Variants in NUP155 observed in about 807,000 individuals in gnomAD.
NUP155 encodes nuclear pore complex protein Nup155.
NUP155 carries 71 observed loss-of-function variants against 180.4 expected under a neutral mutation model. The ratio of observed to expected loss-of-function variants is 0.39; its 90% CI spans 0.33 to 0.48. The LOEUF (loss-of-function observed/expected upper bound fraction) is 0.48. Among genes scored for constraint, NUP155 ranks in the 20% least tolerant of loss-of-function variants. NUP155 has a pLI of 0.91. For synonymous variants in NUP155, 582 were observed against 559.5 expected (o/e 1.04, Z -0.57); for missense variants, 1,553 against 1,648.9 (o/e 0.94, Z 1.01).
rs777690394 is a variant in NUP155 at position 37,333,637 on chromosome 5, T to C, written c.1348-4A>G. 9.3e-6 allele frequency: 15 copies of C among 1,611,306 alleles called. No homozygotes were observed. The African/African-American group carries it at 1.3e-4, about 14-fold the overall frequency. ...GACCATCAACACCAGCTGTCATCTA[T>C]GTAAAAGAAATAAATGTTTTATACA... On this transcript the variant is annotated splice_polypyrimidine_tract_variant and splice_region_variant and intron_variant, in intron 12 of 34. Transcript: ENST00000231498.
intron 1 of NUP155, among the ~76,000 whole-genome samples, chr5:37,367,227 T>G (rs1386511747): frequency 2.0e-5 from 3 of 151,764 alleles, no homozygotes; most frequent in South Asian, 2.1e-4. Flanking sequence ...TTTTTGTTTT[T>G]GGGGTTTTTT....
At chr5:37,364,201 A>T in intron 2 of NUP155, 46 bp downstream of exon 2, 1 of 1,439,382 alleles carries the variant, frequency 6.9e-7, no homozygotes, top group Non-Finnish European at 9.7e-7. Flanking sequence ...AGAATGAAAA[A>T]TACCAATTTT....
chr5:37,335,157 C>CA (rs369127748), intron 12 of NUP155, among the ~76,000 whole-genome samples: 11,693 of 62,172 alleles, frequency 0.19, 1,020 homozygotes, highest in African/African-American at 0.33. Flanking sequence ...GACTCTGTCA[C>CA]AAAAAAAAAA....
In NUP155 at chr5:37,304,422, G is replaced by C. The variant is rs149395280; in HGVS notation, c.3162+317C>G. On this transcript the variant is annotated intron_variant, in intron 27 of 34. Transcript: ENST00000231498. ...TGAGGAACACTGAAACTTAGGGTAG[G>C]TAAAAGGACATATCTGAAGTCACAG... is the stretch of plus-strand genomic sequence containing the variant. 4.6e-5 allele frequency among the ~76,000 whole-genome samples: 7 copies of C among 152,174 alleles called. No individual in the cohort carries two copies. In the East Asian group the frequency reaches 1.3e-3, roughly 29 times the overall value.
At chr5:37,318,117 A>G in intron 20 of NUP155, 32 bp from the exon 21 acceptor site, 2 of 1,152,632 alleles carry the variant, frequency 1.7e-6, no homozygotes, top group Non-Finnish European at 2.6e-6. Context: ...GTGTGTGTTT[A>G]TAACAGCTTT....
intron 24 of NUP155, 104 bp from the exon 25 acceptor site, chr5:37,307,536 G>A (rs1743234539): frequency 1.9e-6 from 2 of 1,064,260 alleles, no homozygotes; most frequent in South Asian, 1.3e-5. Context: ...TGTCTCTACT[G>A]TACAATAGTC....
intron 20 of NUP155, among the ~76,000 whole-genome samples, chr5:37,321,091 G>A (rs1447897964): frequency 6.8e-6 from 1 of 147,358 alleles, no homozygotes; most frequent in Non-Finnish European, 1.5e-5. Flanking sequence ...GCTCACTCCT[G>A]TAATCCCAGA....
At chr5:37,314,735 G>A (rs1397267805) in intron 21 of NUP155, among the ~76,000 whole-genome samples, 1 of 152,212 alleles carries the variant, frequency 6.6e-6, no homozygotes, top group African/African-American at 2.4e-5. Context: ...AGCTACTTGG[G>A]AGGCTGAGGC....
chr5:37,306,721 T>G (rs1743177061), intron 25 of NUP155, among the ~76,000 whole-genome samples: 1 of 152,018 alleles, frequency 6.6e-6, no homozygotes, highest in African/African-American at 2.4e-5. Context: ...CACCTCAGCC[T>G]CCCAAAGTGC....
intron 12 of NUP155, among the ~76,000 whole-genome samples, chr5:37,336,887 T>C (rs901656068): frequency 6.6e-6 from 1 of 152,056 alleles, no homozygotes; most frequent in African/African-American, 2.4e-5. Context: ...GGGTTCAAAT[T>C]TAAGAACCAC....
At chr5:37,354,510 G>A (rs945766952) in intron 4 of NUP155, among the ~76,000 whole-genome samples, 2 of 146,816 alleles carry the variant, frequency 1.4e-5, no homozygotes, top group Admixed American at 6.9e-5. Context: ...CCAGGCTGGA[G>A]TGCAGTGGCA....
In NUP155 at chr5:37,330,138, T is replaced by TA. The variant is rs1243263459; in HGVS notation, c.1630-7dup. The stretch of plus-strand genomic sequence containing the variant: ...GTTGCACAAGCCTGGTCTTCCTGTG[T>TA]AAAAAGAGGAATATTGGCCTTATAT... On this transcript the variant is annotated splice_polypyrimidine_tract_variant and splice_region_variant and intron_variant, in intron 14 of 34. Transcript: ENST00000231498. 1.2e-5 allele frequency: 20 copies of TA among 1,601,076 alleles called. No individual in the cohort carries two copies. Among genetic ancestry groups the TA allele is most frequent in the Non-Finnish European group, 1.4e-5 (16 of 1,169,892 alleles).
At chr5:37,295,291 C>T (rs911751928) in intron 32 of NUP155, among the ~76,000 whole-genome samples, 24 of 152,148 alleles carry the variant, frequency 1.6e-4, no homozygotes, top group Non-Finnish European at 2.8e-4. Context: ...GCGAGTGATC[C>T]GCCAGCCTCG....
intron 10 of NUP155, among the ~76,000 whole-genome samples, chr5:37,341,800 A>G (rs891974910): frequency 6.6e-6 from 1 of 152,206 alleles, no homozygotes; most frequent in African/African-American, 2.4e-5. Flanking sequence ...TTGGCCTCCC[A>G]AAGTGCTGGG....
chr5:37,319,281 A>G (rs567761719), intron 20 of NUP155, among the ~76,000 whole-genome samples: 1 of 152,334 alleles, frequency 6.6e-6, no homozygotes, highest in Admixed American at 6.5e-5. Context: ...TGGTTGCACA[A>G]TTCTATGAAT....
chr5:37,332,990 T>G (rs1581172625), intron 13 of NUP155, among the ~76,000 whole-genome samples: 1 of 151,740 alleles, frequency 6.6e-6, no homozygotes, highest in African/African-American at 2.4e-5. Context: ...AAATATCAAC[T>G]GATAACTGAT....
intron 33 of NUP155, 103 bp downstream of exon 33, chr5:37,294,226 T>A (rs1238981620): frequency 1.3e-5 from 10 of 785,948 alleles, no homozygotes; most frequent in Non-Finnish European, 2.1e-5. Context: ...GTAATTAGAC[T>A]AAGTGATAGG....
chr5:37,329,147 TC>T (rs1328480554), intron 16 of NUP155, 42 bp downstream of exon 16: 4 of 1,455,336 alleles, frequency 2.7e-6, no homozygotes, highest in Non-Finnish European at 3.9e-6. Flanking sequence ...GTTCTAAGAT[TC>T]AAACGATTAG....
rs1744575357 is a variant in NUP155, at chr5:37,325,953, G to C, written c.2039C>G (p.Ala680Gly). 1 of 1,609,062 alleles carries C rather than the reference G, an allele frequency of 6.2e-7. No individual in the cohort carries two copies. The highest frequency in any genetic ancestry group is 8.5e-7 in the Non-Finnish European group (1 of 1,177,054). ...GAATATTCTCTCCACAACTAAGCTTGCATCCCAAATGTTTCTGGAAAAAAA... is the reference window on the plus strand; with the variant it reads ...GAATATTCTCTCCACAACTAAGCTTCCATCCCAAATGTTTCTGGAAAAAAA... ...FSRIMGNIWD[A>G]SLVVERIFKS... Residue 680 changes from alanine (A) to glycine (G), a missense_variant, in exon 19 of 35, where the codon GCA (alanine) becomes GGA (glycine). By Grantham distance (60) the Ala-to-Gly change is moderately conservative (BLOSUM62 0). Coordinates refer to ENST00000231498, the MANE Select transcript of NUP155 (RefSeq NM_153485.3).
Sources: gnomAD v4.1 joint callset for allele counts (sites outside exome capture counted in the v4.1 genomes callset) on GRCh38, gnomAD v4.1.1 for gene constraint, MANE v1.5 for transcripts, NCBI Gene and HGNC (gene_info 2026-07-23, HGNC 2026-07-21) for gene names.